The following MB21D2 variants were observed in gnomAD, a reference collection of about 807,000 sequenced individuals.
MB21D2 encodes the protein Mab-21 domain containing 2.
Under a neutral mutation model 33.3 loss-of-function variants are expected in MB21D2, and 9 were observed. That is an observed-to-expected ratio of 0.27 (90% confidence interval 0.16 to 0.47). MB21D2 has a LOEUF of 0.47. MB21D2 is among the 20% of genes least tolerant of loss of function. MB21D2 has a pLI of 0.99. For missense variants in MB21D2, 540 were observed against 624.6 expected (o/e 0.86, Z 1.44); for synonymous variants, 241 against 236.3 (o/e 1.02, Z -0.18).
chr3:192,820,909 C>T (rs746728224), intron 1 of MB21D2, among the ~76,000 whole-genome samples: 3 of 152,082 alleles, frequency 2.0e-5, no homozygotes, highest in Non-Finnish European at 2.9e-5. Context: ...GGACTACAGG[C>T]GGTGCCACCA....
At chr3:192,888,530 T>C (rs757665694) in intron 1 of MB21D2, among the ~76,000 whole-genome samples, 1 of 152,076 alleles carries the variant, frequency 6.6e-6, no homozygotes, top group Non-Finnish European at 1.5e-5. Context: ...TCCTCTAATG[T>C]TTTATGGTTG....
At chr3:192,852,689 T>C (rs1712832499) in intron 1 of MB21D2, among the ~76,000 whole-genome samples, 1 of 152,230 alleles carries the variant, frequency 6.6e-6, no homozygotes, top group African/African-American at 2.4e-5. Context: ...CATTTGTTAG[T>C]ATGGCTAACA....
chr3:192,830,782 T>G (rs765017330), intron 1 of MB21D2, among the ~76,000 whole-genome samples: 7 of 152,230 alleles, frequency 4.6e-5, no homozygotes, highest in Non-Finnish European at 7.3e-5. Flanking sequence ...AATCTCAGCC[T>G]GCATTTGGGA....
At chr3:192,823,643 G>A (rs1337562471) in intron 1 of MB21D2, among the ~76,000 whole-genome samples, 1 of 151,938 alleles carries the variant, frequency 6.6e-6, no homozygotes, top group Non-Finnish European at 1.5e-5. Flanking sequence ...AAACAAGAGT[G>A]GAACTCCATT....
intron 1 of MB21D2, among the ~76,000 whole-genome samples, chr3:192,826,087 C>A (rs11926468): frequency 0.11 from 16,664 of 152,228 alleles, 1,010 homozygotes; most frequent in Middle Eastern, 0.17. Context: ...GGTCCTCAGG[C>A]TCCTACACTA....
chr3:192,899,283 C>A (rs1265433079), intron 1 of MB21D2, among the ~76,000 whole-genome samples: 2 of 152,154 alleles, frequency 1.3e-5, no homozygotes, highest in Admixed American at 6.5e-5. Flanking sequence ...AATCCCAGCA[C>A]TTTGGGAAGC....
rs1720547013 is a variant in MB21D2 at position 192,797,490 on chromosome 3, A to G, written c.*896T>C. Reference sequence around the variant, plus strand: ...GGGCAAAGCAGGACCCCACAACTGAAGGAGAACTAAGCAAATGCAAAGAAT... The same window carrying G: ...GGGCAAAGCAGGACCCCACAACTGAGGGAGAACTAAGCAAATGCAAAGAAT... On this transcript the variant is annotated 3_prime_UTR_variant, in exon 2 of 2. Transcript: ENST00000392452. 1 of 152,662 alleles carries G rather than the reference A, an allele frequency of 6.6e-6. No individual in the cohort carries two copies. The highest frequency in any genetic ancestry group is 2.1e-4 in the South Asian group (1 of 4,826). The allele number at this position is 152,662 out of a possible 1,614,324, so 9.5% of individuals were successfully genotyped here.
At chr3:192,882,499 C>T (rs1235565411) in intron 1 of MB21D2, among the ~76,000 whole-genome samples, 1 of 152,140 alleles carries the variant, frequency 6.6e-6, no homozygotes, top group African/African-American at 2.4e-5. Flanking sequence ...GCAGCATGTC[C>T]TTTCAATGCC....
chr3:192,872,435 A>G (rs6802600), intron 1 of MB21D2, among the ~76,000 whole-genome samples: 93,316 of 150,902 alleles, frequency 0.62, 31,055 homozygotes, highest in African/African-American at 0.87. Context: ...AATTAGCCGC[A>G]CGTGGTGGCG....
chr3:192,823,729 A>G (rs1261155101), intron 1 of MB21D2, among the ~76,000 whole-genome samples: 1 of 152,210 alleles, frequency 6.6e-6, no homozygotes, highest in Non-Finnish European at 1.5e-5. Flanking sequence ...GCTAGCTTGG[A>G]CTGTAAGACA....
chr3:192,825,688 T>G (rs1238585040), intron 1 of MB21D2, among the ~76,000 whole-genome samples: 2 of 152,214 alleles, frequency 1.3e-5, no homozygotes, highest in Non-Finnish European at 2.9e-5. Flanking sequence ...CAGGCTCAAT[T>G]ACTTAGTATG....
chr3:192,834,051 A>C (rs1712378671), intron 1 of MB21D2, among the ~76,000 whole-genome samples: 1 of 152,174 alleles, frequency 6.6e-6, no homozygotes, highest in Admixed American at 6.5e-5. Context: ...GAATTGCAGG[A>C]CCAATCACAC....
At chr3:192,900,353 G>C (rs1714069296) in intron 1 of MB21D2, among the ~76,000 whole-genome samples, 2 of 150,952 alleles carry the variant, frequency 1.3e-5, no homozygotes, top group South Asian at 2.1e-4. Context: ...CAGTCACCAA[G>C]GGTTGGACAA....
At chr3:192,854,386 T>C (rs1299496646) in intron 1 of MB21D2, among the ~76,000 whole-genome samples, 2 of 152,186 alleles carry the variant, frequency 1.3e-5, no homozygotes, top group African/African-American at 4.8e-5. Flanking sequence ...TTCAATTCTC[T>C]GAGAGCTGAG....
At chr3:192,802,957 C>T (rs1441229124) in intron 1 of MB21D2, among the ~76,000 whole-genome samples, 1 of 152,148 alleles carries the variant, frequency 6.6e-6, no homozygotes, top group Non-Finnish European at 1.5e-5. Flanking sequence ...ACTCAAAATC[C>T]TATATATGCT....
At chr3:192,864,404 T>G (rs774430583) in intron 1 of MB21D2, among the ~76,000 whole-genome samples, 1 of 152,166 alleles carries the variant, frequency 6.6e-6, no homozygotes, top group Non-Finnish European at 1.5e-5. Context: ...AGAAATGGGG[T>G]CTTGCTGTGC....
chr3:192,884,589 G>T (rs539622023), intron 1 of MB21D2, among the ~76,000 whole-genome samples: 174 of 152,034 alleles, frequency 1.1e-3, no homozygotes, highest in Middle Eastern at 3.4e-3. Flanking sequence ...GGATGGTCTT[G>T]ATCTCCTGAC....
At chr3:192,831,688 C>T (rs1417618668) in intron 1 of MB21D2, among the ~76,000 whole-genome samples, 1 of 152,128 alleles carries the variant, frequency 6.6e-6, no homozygotes, top group Non-Finnish European at 1.5e-5. Context: ...ACAATCGATT[C>T]TAAGGTGCCT....
rs188148891 is a variant in MB21D2 at position 192,822,045 on chromosome 3, G to A, written c.212-22395C>T. ...GGCATTATTTGAAATATCTTTACATGGAAATACGTGATCTGATTCTAAACA... is the reference window on the plus strand; with the variant it reads ...GGCATTATTTGAAATATCTTTACATAGAAATACGTGATCTGATTCTAAACA... On this transcript the variant is annotated intron_variant, in intron 1 of 1. Transcript: ENST00000392452. 3.5e-3 allele frequency among the ~76,000 whole-genome samples: 530 copies of A among 152,190 alleles called. 4 individuals are homozygous for A. Among genetic ancestry groups the A allele is most frequent in the African/African-American group, 0.013 (520 of 41,516 alleles).
Sources: gnomAD v4.1 joint callset for allele counts (sites outside exome capture counted in the v4.1 genomes callset) on GRCh38, gnomAD v4.1.1 for gene constraint, MANE v1.5 for transcripts, NCBI Gene and HGNC (gene_info 2026-07-23, HGNC 2026-07-21) for gene names.